Variants in EFR3B observed in about 807,000 individuals in gnomAD.
EFR3B encodes the protein EFR3 homolog B, also known as protein EFR3 homolog B.
In EFR3B, 64 loss-of-function variants were observed where a neutral mutation model predicts 104.7. The ratio of observed to expected loss-of-function variants is 0.61; its 90% CI spans 0.50 to 0.75. EFR3B has a LOEUF of 0.75. Ranked by LOEUF, EFR3B falls within the 30% of genes least tolerant of loss-of-function variation. The pLI, the probability that EFR3B is intolerant of heterozygous loss-of-function variation, is 0.00. For synonymous variants in EFR3B, 385 were observed against 417.9 expected (o/e 0.92, Z 0.96); for missense variants, 750 against 1,078.5 (o/e 0.70, Z 4.27).
In EFR3B at chr2:25,079,971, C is replaced by T. The variant is rs142498153; in HGVS notation, c.8-11354C>T. On this transcript the variant is annotated intron_variant, in intron 1 of 22. Coordinates refer to ENST00000403714, the MANE Select transcript of EFR3B (RefSeq NM_014971.2). ...TAAGTCCGCTGTTTCAGAGAGCCTTCTGAACGTTCTAGCAGTTTCCTCCAA... is the reference window on the plus strand; with the variant it reads ...TAAGTCCGCTGTTTCAGAGAGCCTTTTGAACGTTCTAGCAGTTTCCTCCAA... 983 of 1,131,154 alleles carry T rather than the reference C, an allele frequency of 8.7e-4. 1 individual carries two copies. The highest frequency in any genetic ancestry group is 1.5e-3 in the Admixed American group (91 of 58,900). The allele number at this position is 1,131,154 out of a possible 1,614,324, so 70.1% of individuals were successfully genotyped here. A position where few individuals can be genotyped will look rare whatever the true frequency, so the allele number is the denominator to read the frequency against.
At chr2:25,115,438 T>A (rs1333319948) in intron 4 of EFR3B, among the ~76,000 whole-genome samples, 1 of 152,132 alleles carries the variant, frequency 6.6e-6, no homozygotes, top group Admixed American at 6.6e-5. Context: ...TAAGCCTCAG[T>A]TTTTTCATCT....
rs746902571 is a variant in EFR3B, at chr2:25,143,696, C to T, written c.1923-39C>T. 1.5e-5 allele frequency: 23 copies of T among 1,550,116 alleles called. No homozygotes were observed. The East Asian group carries it at 3.2e-4, about 21-fold the overall frequency. ...ATTGTTCAGAAGTCATTCTAGATAC[C>T]GCGGTTCTAACGAACTTTCTCCCTC... On this transcript the variant is annotated intron_variant, in intron 17 of 22. Coordinates refer to ENST00000403714, the MANE Select transcript of EFR3B (RefSeq NM_014971.2).
intron 1 of EFR3B, among the ~76,000 whole-genome samples, chr2:25,054,282 C>G (rs1400202644): frequency 6.6e-6 from 1 of 152,060 alleles, no homozygotes; most frequent in Non-Finnish European, 1.5e-5. Flanking sequence ...TATTGCAGGA[C>G]ACTGTACCTG....
At chr2:25,087,371 A>G (rs1668982942) in intron 1 of EFR3B, among the ~76,000 whole-genome samples, 1 of 151,814 alleles carries the variant, frequency 6.6e-6, no homozygotes, top group Non-Finnish European at 1.5e-5. Context: ...GTATATATAT[A>G]TATATATACA....
intron 2 of EFR3B, among the ~76,000 whole-genome samples, chr2:25,091,673 C>T (rs532412518): frequency 1.3e-5 from 2 of 152,340 alleles, no homozygotes; most frequent in East Asian, 1.9e-4. Flanking sequence ...ACTGTCCAAC[C>T]GAGACATCTT....
Position 25,042,579 on chromosome 2 carries a change from A to G in EFR3B, c.7+260A>G. 1 of 1,197,966 alleles carries G rather than the reference A, an allele frequency of 8.3e-7. No homozygotes were observed. The highest frequency in any genetic ancestry group is 4.4e-5 in the Admixed American group (1 of 22,552). The allele number at this position is 1,197,966 out of a possible 1,614,324, so 74.2% of individuals were successfully genotyped here. On this transcript the variant is annotated intron_variant, in intron 1 of 22. Transcript: ENST00000403714. The surrounding 1 kb of genome is among the most constrained non-coding windows in gnomAD (Gnocchi z 5.4). Reference sequence around the variant, plus strand: ...GTGGTCCTTCGGGGGGCGGAGGCTCAGGGGAAAGCGGGTCTCCCGGAGCCG... The same window carrying G: ...GTGGTCCTTCGGGGGGCGGAGGCTCGGGGGAAAGCGGGTCTCCCGGAGCCG...
At chr2:25,126,922 G>T (rs1158062045) in intron 5 of EFR3B, among the ~76,000 whole-genome samples, 1 of 151,870 alleles carries the variant, frequency 6.6e-6, no homozygotes, top group Non-Finnish European at 1.5e-5. Context: ...GGCCAGGCAC[G>T]GTGGCTCACA....
At chr2:25,133,090 C>T (rs532411241) in intron 11 of EFR3B, 76 bp downstream of exon 11, 2 of 1,343,986 alleles carry the variant, frequency 1.5e-6, no homozygotes, top group Admixed American at 2.0e-5. Flanking sequence ...CTTTATCCCT[C>T]TTAATTTTCT....
chr2:25,087,225 C>T (rs1403785182), intron 1 of EFR3B, among the ~76,000 whole-genome samples: 1 of 152,012 alleles, frequency 6.6e-6, no homozygotes, highest in African/African-American at 2.4e-5. Context: ...AATTACCTCC[C>T]CCTAGGTCCC....
At chr2:25,128,681 G>A (rs1437008061) in intron 6 of EFR3B, among the ~76,000 whole-genome samples, 3 of 152,110 alleles carry the variant, frequency 2.0e-5, no homozygotes, top group Non-Finnish European at 4.4e-5. Flanking sequence ...TTTGTGGGCC[G>A]GGCGCGGTGG....
At chr2:25,151,546 G>A (rs1040215180) in intron 20 of EFR3B, among the ~76,000 whole-genome samples, 9 of 152,028 alleles carry the variant, frequency 5.9e-5, no homozygotes, top group East Asian at 3.9e-4. Flanking sequence ...GTGAGCCACC[G>A]TGCCCAGCCT....
intron 1 of EFR3B, among the ~76,000 whole-genome samples, chr2:25,078,629 G>A (rs1668699675): frequency 6.6e-6 from 1 of 152,146 alleles, no homozygotes; most frequent in Non-Finnish European, 1.5e-5. Flanking sequence ...GAGGTCAGAA[G>A]AAAATGAGAC....
chr2:25,056,219 T>C (rs1283350289), intron 1 of EFR3B, among the ~76,000 whole-genome samples: 1 of 151,968 alleles, frequency 6.6e-6, no homozygotes, highest in African/African-American at 2.4e-5. Flanking sequence ...ATACAGCCAT[T>C]TGATTTTTTC....
intron 4 of EFR3B, among the ~76,000 whole-genome samples, chr2:25,117,047 T>C (rs1669879377): frequency 6.6e-6 from 1 of 152,130 alleles, no homozygotes; most frequent in South Asian, 2.1e-4. Flanking sequence ...CTCAGTCCTA[T>C]GGCGCCACGG....
rs1191340125 is a variant in EFR3B at position 25,153,780 on chromosome 2, C to T, written c.2348+19C>T. ...CCATCCGGTAAGTGACAACCCTGGG[C>T]AGGGGACCCTGACCTCCGTGGCCCA... On this transcript the variant is annotated intron_variant, in intron 22 of 22. Coordinates refer to ENST00000403714, the MANE Select transcript of EFR3B (RefSeq NM_014971.2). 7 of 1,551,520 alleles carry T rather than the reference C, an allele frequency of 4.5e-6. No homozygotes were observed. In the African/African-American group the frequency reaches 8.2e-5, roughly 18 times the overall value.
chr2:25,132,875 T>C (rs2149206260), intron 10 of EFR3B, 28 bp from the exon 11 acceptor site: 3 of 1,539,496 alleles, frequency 1.9e-6, no homozygotes, highest in East Asian at 2.4e-5. Context: ...TGTGCCTCAC[T>C]GGGCACCCTC....
At chr2:25,066,752 A>G (rs967081832) in intron 1 of EFR3B, among the ~76,000 whole-genome samples, 1 of 152,152 alleles carries the variant, frequency 6.6e-6, no homozygotes, top group Non-Finnish European at 1.5e-5. Flanking sequence ...AATGCACTTG[A>G]TGCATTTTGT....
intron 1 of EFR3B, among the ~76,000 whole-genome samples, chr2:25,054,744 G>C (rs1290058306): frequency 1.3e-5 from 2 of 152,170 alleles, no homozygotes; most frequent in South Asian, 2.1e-4. Context: ...GGTCTGGTTA[G>C]TAAGAACGTA....
rs1670284160 is a variant in EFR3B at position 25,129,976 on chromosome 2, C to T, written c.637C>T (p.Arg213Trp). 1.3e-6 allele frequency: 2 copies of T among 1,551,398 alleles called. No homozygotes were observed. The highest frequency in any genetic ancestry group is 2.7e-5 in the African/African-American group (2 of 73,056). The change falls in exon 7 of 23, where the codon CGG (arginine) becomes TGG (tryptophan). Residue 213 changes from arginine (R) to tryptophan (W), a missense_variant and splice_region_variant. Coordinates refer to ENST00000403714, the MANE Select transcript of EFR3B (RefSeq NM_014971.2). ...NLQHVEEAES[R>W]SPSPLQAPEK... ...ACCCATGTGCCTCTGTCTCCCCAGC[C>T]GGTCTCCCTCACCCCTCCAAGCACC... is the stretch of plus-strand genomic sequence containing the variant.
Sources: allele counts gnomAD v4.1 joint callset (sites outside exome capture counted in the v4.1 genomes callset), GRCh38; gene constraint gnomAD v4.1.1; non-coding constraint Gnocchi (gnomAD v3.1); transcripts MANE v1.5; gene names NCBI Gene and HGNC (gene_info 2026-07-23, HGNC 2026-07-21).